ASIC2: variants seen among roughly 807,000 people sequenced by gnomAD.
ASIC2 encodes acid sensing ion channel subunit 2.
In ASIC2, 25 loss-of-function variants were observed where a neutral mutation model predicts 57.3. The ratio of observed to expected loss-of-function variants is 0.44; its 90% CI spans 0.32 to 0.61. The LOEUF (loss-of-function observed/expected upper bound fraction) is 0.61. ASIC2 is among the 20% of genes least tolerant of loss of function. ASIC2 has a pLI of 0.06. For missense variants in ASIC2, 641 were observed against 738.1 expected (o/e 0.87, Z 1.52); for synonymous variants, 319 against 307.5 (o/e 1.04, Z -0.39).
At chr17:33,699,630 C>A (rs1908635977) in intron 1 of ASIC2, among the ~76,000 whole-genome samples, 1 of 152,178 alleles carries the variant, frequency 6.6e-6, no homozygotes, top group South Asian at 2.1e-4. Context: ...CTCCCAAATT[C>A]AGCAGCAGAG....
At chr17:34,039,550 G>C in intron 1 of ASIC2, 1 of 1,613,924 alleles carries the variant, frequency 6.2e-7, no homozygotes, top group African/African-American at 1.3e-5. Context: ...TGAGGATCGT[G>C]CAACTGGTGG....
intron 3 of ASIC2, among the ~76,000 whole-genome samples, chr17:33,051,241 A>C (rs144320316): frequency 3.9e-5 from 6 of 152,284 alleles, no homozygotes; most frequent in African/African-American, 1.4e-4. Flanking sequence ...TCGCAAAGGC[A>C]AAGTGATTTT....
chr17:33,908,650 T>C (rs1915398844), intron 1 of ASIC2, among the ~76,000 whole-genome samples: 1 of 152,192 alleles, frequency 6.6e-6, no homozygotes, highest in Non-Finnish European at 1.5e-5. Context: ...CTTACCTGAG[T>C]TACTATTACC....
chr17:33,872,086 G>C (rs1446933625), intron 1 of ASIC2, among the ~76,000 whole-genome samples: 1 of 152,128 alleles, frequency 6.6e-6, no homozygotes, highest in Non-Finnish European at 1.5e-5. Flanking sequence ...TGACTCGCCT[G>C]GACCAGCCAG....
At chr17:33,037,118 C>A in intron 3 of ASIC2, among the ~76,000 whole-genome samples, 1 of 122,504 alleles carries the variant, frequency 8.2e-6, no homozygotes, top group Non-Finnish European at 1.7e-5. Flanking sequence ...AAAAATTAGC[C>A]AGGTGTGGTA....
chr17:34,138,735 G>T (rs1157371660), intron 1 of ASIC2, among the ~76,000 whole-genome samples: 1 of 152,180 alleles, frequency 6.6e-6, no homozygotes, highest in East Asian at 1.9e-4. Context: ...CTTGACTACG[G>T]CTGAGTGGAG....
intron 1 of ASIC2, among the ~76,000 whole-genome samples, chr17:33,134,094 A>G (rs891252523): frequency 1.3e-5 from 2 of 152,232 alleles, no homozygotes; most frequent in African/African-American, 4.8e-5. Flanking sequence ...GGCCAAAGAC[A>G]CAGAAGGTGA....
chr17:33,147,743 T>G (rs1029344013), intron 1 of ASIC2, among the ~76,000 whole-genome samples: 1 of 152,192 alleles, frequency 6.6e-6, no homozygotes. Context: ...TCAGCTGGCA[T>G]GCAGGGGAAG....
chr17:33,701,406 C>T (rs1908696520), intron 1 of ASIC2, among the ~76,000 whole-genome samples: 1 of 152,174 alleles, frequency 6.6e-6, no homozygotes, highest in Admixed American at 6.5e-5. Context: ...AAATAGCTTG[C>T]TGAAAATCAA....
intron 1 of ASIC2, among the ~76,000 whole-genome samples, chr17:33,942,812 A>C (rs1045320379): frequency 6.6e-6 from 1 of 152,184 alleles, no homozygotes; most frequent in Non-Finnish European, 1.5e-5. Flanking sequence ...CTACCATCCC[A>C]GTTTTAGAAA....
intron 1 of ASIC2, among the ~76,000 whole-genome samples, chr17:34,133,872 G>T (rs7210986): frequency 0.13 from 19,096 of 152,126 alleles, 1,367 homozygotes; most frequent in African/African-American, 0.2. Flanking sequence ...CAGGGTGAGG[G>T]GTGTGGGAGG....
intron 3 of ASIC2, among the ~76,000 whole-genome samples, chr17:33,034,170 T>C (rs137989634): frequency 2.9e-3 from 449 of 152,204 alleles, no homozygotes; most frequent in African/African-American, 0.01. Context: ...ATAAAACTCC[T>C]CTCCTTCTCC....
At chr17:33,805,584 C>T (rs1912246033) in intron 1 of ASIC2, among the ~76,000 whole-genome samples, 2 of 152,144 alleles carry the variant, frequency 1.3e-5, no homozygotes, top group African/African-American at 2.4e-5. Flanking sequence ...GACTGGTATT[C>T]CTCTTCCAGT....
intron 1 of ASIC2, among the ~76,000 whole-genome samples, chr17:33,828,830 T>C (rs1913022473): frequency 6.6e-6 from 1 of 152,214 alleles, no homozygotes; most frequent in East Asian, 1.9e-4. Flanking sequence ...GTCTTACTCA[T>C]CTTCTCATTA....
intron 1 of ASIC2, among the ~76,000 whole-genome samples, chr17:33,845,146 T>C (rs994255965): frequency 1.3e-5 from 2 of 152,266 alleles, no homozygotes; most frequent in Non-Finnish European, 2.9e-5. Flanking sequence ...CAGAATTATC[T>C]AAAATTGGAT....
chr17:33,564,987 C>T (rs1916189564), intron 1 of ASIC2, among the ~76,000 whole-genome samples: 1 of 152,204 alleles, frequency 6.6e-6, no homozygotes, highest in Non-Finnish European at 1.5e-5. Flanking sequence ...AGAAACAATG[C>T]TAATGACTGG....
At chr17:33,989,622 T>C (rs1248867823) in intron 1 of ASIC2, among the ~76,000 whole-genome samples, 1 of 152,078 alleles carries the variant, frequency 6.6e-6, no homozygotes, top group East Asian at 1.9e-4. Context: ...AGCAGTGAAA[T>C]CAAAAGACCT....
intron 1 of ASIC2, among the ~76,000 whole-genome samples, chr17:33,459,389 G>A (rs1219742716): frequency 2.0e-5 from 3 of 152,046 alleles, no homozygotes; most frequent in African/African-American, 7.2e-5. Context: ...TTCATCCAAT[G>A]GATATTTACC....
chr17:33,667,466 A>T (rs1907512141), intron 1 of ASIC2, among the ~76,000 whole-genome samples: 2 of 152,144 alleles, frequency 1.3e-5, no homozygotes, highest in South Asian at 4.1e-4. Flanking sequence ...CTTTTCACTC[A>T]TCCTCTTTCT....
Sources: allele counts gnomAD v4.1 joint callset (sites outside exome capture counted in the v4.1 genomes callset), GRCh38; gene constraint gnomAD v4.1.1; transcripts MANE v1.5; gene names NCBI Gene and HGNC (gene_info 2026-07-23, HGNC 2026-07-21).